EYS: variants seen among roughly 807,000 people sequenced by gnomAD.
EYS encodes EGF-like photoreceptor maintenance factor, also known as protein eyes shut homolog.
Under a neutral mutation model 282.1 loss-of-function variants are expected in EYS, and 250 were observed. That is an observed-to-expected ratio of 0.89 (90% CI 0.80 to 0.98). The LOEUF is 0.98. Among genes scored for constraint, EYS ranks in the 50% least tolerant of loss-of-function variants. The probability of loss-of-function intolerance (pLI) is 0.00; values close to 1 mark genes in which losing one functional copy is unlikely to be tolerated. For missense variants in EYS, 4,016 were observed against 3,709.0 expected, an observed-to-expected ratio of 1.08 and a Z score of -2.15; for synonymous variants, 1,355 against 1,282.9, an observed-to-expected ratio of 1.06 and a Z score of -1.20.
At chr6:64,327,360 A>C (rs1477441120) in intron 29 of EYS, among the ~76,000 whole-genome samples, 1 of 151,670 alleles carries the variant, frequency 6.6e-6, no homozygotes, top group Admixed American at 6.6e-5. Flanking sequence ...AAAGTATCAA[A>C]GCCTACTCCA....
rs186534951 is a variant in EYS at position 64,205,447 on chromosome 6, C to T, written c.6424+25145G>A. On this transcript the variant is annotated intron_variant, in intron 31 of 42. Coordinates refer to ENST00000503581, the MANE Select transcript of EYS (RefSeq NM_001142800.2). ...TGATGGATTTCAATTTGAGCACTTT[C>T]TTGAGGCCACTGAAGGCAGTTTATG... Among the ~76,000 whole-genome samples the T allele has an allele frequency of 3.2e-3, 482 of 152,260 alleles. 3 individuals are homozygous for T. The highest frequency in any genetic ancestry group is 3.9e-3 in the Non-Finnish European group (267 of 68,024).
chr6:65,575,678 C>T (rs1014313372), intron 2 of EYS, among the ~76,000 whole-genome samples: 1 of 151,228 alleles, frequency 6.6e-6, no homozygotes, highest in African/African-American at 2.4e-5. Context: ...TTAAACTAAA[C>T]AAAATTGACT....
chr6:65,604,747 T>C (rs1765725560), intron 2 of EYS, among the ~76,000 whole-genome samples: 1 of 151,910 alleles, frequency 6.6e-6, no homozygotes, highest in Non-Finnish European at 1.5e-5. Context: ...GAAATATGGA[T>C]TGTTTGTGCC....
chr6:65,480,848 G>A (rs1765581829), intron 5 of EYS, among the ~76,000 whole-genome samples: 1 of 152,088 alleles, frequency 6.6e-6, no homozygotes, highest in Non-Finnish European at 1.5e-5. Flanking sequence ...AAGCGAAATA[G>A]GTCAGGCACA....
chr6:65,119,923 G>A (rs1418771016), intron 12 of EYS, among the ~76,000 whole-genome samples: 2 of 150,888 alleles, frequency 1.3e-5, no homozygotes, highest in Non-Finnish European at 2.9e-5. Flanking sequence ...GGATCACGAG[G>A]TCAGGAGATC....
intron 19 of EYS, among the ~76,000 whole-genome samples, chr6:64,866,300 C>T (rs1766423193): frequency 6.6e-6 from 1 of 151,896 alleles, no homozygotes; most frequent in Non-Finnish European, 1.5e-5. Flanking sequence ...TACAGTCCTA[C>T]TACAGTTGAT....
chr6:64,704,130 G>A (rs562378603), intron 22 of EYS, among the ~76,000 whole-genome samples: 83 of 151,746 alleles, frequency 5.5e-4, no homozygotes, highest in Non-Finnish European at 7.5e-4. Context: ...TTCTGGACTC[G>A]CATGAAATTC....
chr6:64,158,915 G>A (rs1446473435), intron 31 of EYS, among the ~76,000 whole-genome samples: 1 of 152,200 alleles, frequency 6.6e-6, no homozygotes, highest in Non-Finnish European at 1.5e-5. Context: ...CAAACATTTA[G>A]TGAACACCTA....
At chr6:64,104,864 G>A (rs1023870227) in intron 31 of EYS, among the ~76,000 whole-genome samples, 3 of 150,930 alleles carry the variant, frequency 2.0e-5, no homozygotes, top group African/African-American at 4.9e-5. Flanking sequence ...TGGTAGTCAC[G>A]ACCATCAACA....
chr6:64,758,552 T>C (rs1773053059), intron 22 of EYS, among the ~76,000 whole-genome samples: 1 of 152,124 alleles, frequency 6.6e-6, no homozygotes, highest in Non-Finnish European at 1.5e-5. Flanking sequence ...CATGCTACAA[T>C]TATTGTGCCT....
At chr6:65,501,065 C>T (rs142114736) in intron 2 of EYS, among the ~76,000 whole-genome samples, 30 of 152,062 alleles carry the variant, frequency 2.0e-4, no homozygotes, top group African/African-American at 6.5e-4. Context: ...TTAATCCACA[C>T]ACTCTATGAG....
intron 12 of EYS, among the ~76,000 whole-genome samples, chr6:65,184,210 A>C (rs1765460791): frequency 6.6e-6 from 1 of 151,942 alleles, no homozygotes; most frequent in Non-Finnish European, 1.5e-5. Context: ...AAGGAGCAGA[A>C]ATGTATAGGC....
chr6:65,268,805 GT>G (rs530146910), intron 12 of EYS, among the ~76,000 whole-genome samples: 1,549 of 118,088 alleles, frequency 0.013, 24 homozygotes, highest in African/African-American at 0.041. Flanking sequence ...TTCAACATAA[GT>G]TTTTTTTTAA....
intron 12 of EYS, among the ~76,000 whole-genome samples, chr6:65,191,598 G>T (rs1053047498): frequency 6.6e-6 from 1 of 151,750 alleles, no homozygotes. Flanking sequence ...GCAATTTCAC[G>T]GCAATCAGCT....
At chr6:64,825,204 A>C (rs1181587276) in intron 19 of EYS, among the ~76,000 whole-genome samples, 1 of 151,902 alleles carries the variant, frequency 6.6e-6, no homozygotes, top group Non-Finnish European at 1.5e-5. Flanking sequence ...TTTTACTCAA[A>C]TGTCACTATC....
At chr6:65,342,885 T>C (rs1770250630) in intron 10 of EYS, among the ~76,000 whole-genome samples, 1 of 150,968 alleles carries the variant, frequency 6.6e-6, no homozygotes, top group Non-Finnish European at 1.5e-5. Flanking sequence ...AAACAACAAA[T>C]ATGATTTGCT....
intron 31 of EYS, among the ~76,000 whole-genome samples, chr6:64,111,008 A>AT (rs1031282960): frequency 1.3e-5 from 2 of 151,978 alleles, no homozygotes; most frequent in Non-Finnish European, 2.9e-5. Flanking sequence ...ACAGTAGTAG[A>AT]TTTTTGGAGG....
At chr6:63,756,841 A>T (rs1769498102) in intron 41 of EYS, among the ~76,000 whole-genome samples, 1 of 152,190 alleles carries the variant, frequency 6.6e-6, no homozygotes, top group African/African-American at 2.4e-5. Flanking sequence ...ATGGACATTT[A>T]TCAGTTTCCA....
intron 36 of EYS, among the ~76,000 whole-genome samples, chr6:63,832,118 A>G (rs953091754): frequency 3.3e-5 from 5 of 152,234 alleles, no homozygotes; most frequent in Non-Finnish European, 7.3e-5. Context: ...AAAGCAGGAA[A>G]GATCTAAAAT....
Sources: allele counts gnomAD v4.1 joint callset (sites outside exome capture counted in the v4.1 genomes callset), GRCh38; gene constraint gnomAD v4.1.1; transcripts MANE v1.5; gene names NCBI Gene and HGNC (gene_info 2026-07-23, HGNC 2026-07-21).